The following GDF10 variants were observed in gnomAD, a reference collection of about 807,000 sequenced individuals.
The protein encoded by GDF10 is growth/differentiation factor 10.
Under a neutral mutation model 32.1 loss-of-function variants are expected in GDF10, and 23 were observed. The observed-to-expected ratio is 0.72, with a 90% confidence interval of 0.52 to 1.02. The LOEUF is 1.02. GDF10 is among the 50% of genes least tolerant of loss of function. The probability of loss-of-function intolerance (pLI) is 0.00; values close to 1 mark genes in which losing one functional copy is unlikely to be tolerated. For synonymous variants in GDF10, 328 were observed against 303.1 expected, an observed-to-expected ratio of 1.08 and a Z score of -0.85; for missense variants, 764 against 673.9, an observed-to-expected ratio of 1.13 and a Z score of -1.48.
chr10:47,304,350 A>AGGGAGAGAGAGAAGAATAGAG (rs1334515544), intron 1 of GDF10, among the ~76,000 whole-genome samples: 22 of 150,392 alleles, frequency 1.5e-4, no homozygotes, highest in African/African-American at 5.4e-4. Context: ...GGAAGGAAGG[A>AGGGAGAGAGAGAAGAATAGAG]GGGAGAGAGA....
intron 1 of GDF10, among the ~76,000 whole-genome samples, chr10:47,305,172 C>T (rs1476547472): frequency 2.6e-5 from 4 of 152,176 alleles, no homozygotes; most frequent in South Asian, 2.1e-4. Context: ...GAAGTGAGGC[C>T]TCCCACTGGG....
chr10:47,306,824 A>G (rs2061024619), intron 1 of GDF10, among the ~76,000 whole-genome samples: 1 of 151,754 alleles, frequency 6.6e-6, no homozygotes, highest in Non-Finnish European at 1.5e-5. Flanking sequence ...ATAAAGCCAC[A>G]TGTTGGAAGG....
chr10:47,307,010 C>T (rs2061025407), intron 1 of GDF10, among the ~76,000 whole-genome samples: 1 of 152,120 alleles, frequency 6.6e-6, no homozygotes, highest in Non-Finnish European at 1.5e-5. Context: ...GCACCCAGCA[C>T]ACCGGGGGCC....
At position 47,312,704 on chromosome 10, in the gene GDF10, C is replaced by A. The variant is rs1555207892; in HGVS notation, c.1349C>A (p.Ser450Tyr). ...TGCTGTGTTCCCGATAAGATGAACTCCCTTGGGGTCCTCTTCCTGGATGAG... is the reference window on the plus strand; with the variant it reads ...TGCTGTGTTCCCGATAAGATGAACTACCTTGGGGTCCTCTTCCTGGATGAG... ...EPCCVPDKMNSLGVLFLDENR... is the reference protein window; with the variant it reads ...EPCCVPDKMNYLGVLFLDENR... The change falls in exon 3 of 3, where the codon TCC becomes TAC. Residue 450 changes from serine to tyrosine, a missense_variant. Physicochemically the swap from Ser to Tyr is moderately radical, Grantham distance 144. Coordinates refer to ENST00000580279, the MANE Select transcript of GDF10 (RefSeq NM_004962.5). 1 of 1,609,446 alleles carries A rather than the reference C, an allele frequency of 6.2e-7. No individual in the cohort carries two copies. The highest frequency in any genetic ancestry group is 1.7e-5 in the Admixed American group (1 of 59,560).
Position 47,300,686 on chromosome 10 carries a change from C to T in GDF10, c.35C>T (p.Pro12Leu), listed in dbSNP as rs781795343. 20 of 1,603,282 alleles carry T rather than the reference C, an allele frequency of 1.2e-5. No individual in the cohort carries two copies. In the South Asian group the frequency reaches 1.8e-4, roughly 14 times the overall value. ...AHVPARTSPG[P>L]GPQLLLLLLP... Reference sequence around the variant, plus strand: ...GTCCCCGCTCGGACCAGCCCGGGACCCGGGCCCCAGCTGCTGCTGCTGCTG... The same window carrying T: ...GTCCCCGCTCGGACCAGCCCGGGACTCGGGCCCCAGCTGCTGCTGCTGCTG... The change falls in exon 1 of 3, where the codon CCC becomes CTC. Residue 12 changes from proline to leucine, a missense_variant. Coordinates refer to ENST00000580279, the MANE Select transcript of GDF10 (RefSeq NM_004962.5).
rs782271389 is a variant in GDF10, at chr10:47,300,663, C to G, written c.12C>G (p.Val4=). 6.3e-7 allele frequency: 1 copy of G among 1,599,272 alleles called. No individual in the cohort carries two copies. Among genetic ancestry groups the G allele is most frequent in the Non-Finnish European group, 8.5e-7 (1 of 1,175,152 alleles). The change falls in exon 1 of 3, where the codon GTC becomes GTG. Residue 4 remains valine, a synonymous_variant. Coordinates refer to ENST00000580279, the MANE Select transcript of GDF10 (RefSeq NM_004962.5). The stretch of plus-strand genomic sequence containing the variant: ...GCCCTCACCACGCCATGGCTCATGT[C>G]CCCGCTCGGACCAGCCCGGGACCCG... MAH[V]PARTSPGPGP...
intron 1 of GDF10, among the ~76,000 whole-genome samples, chr10:47,302,306 C>G: frequency 6.6e-6 from 1 of 152,328 alleles, no homozygotes; most frequent in East Asian, 1.9e-4. Context: ...TATGTGCAAG[C>G]TCAGAGCCCA....
intron 1 of GDF10, among the ~76,000 whole-genome samples, chr10:47,309,118 G>A (rs2061033424): frequency 6.6e-6 from 1 of 152,208 alleles, no homozygotes; most frequent in Non-Finnish European, 1.5e-5. Context: ...AGGTTGCCTT[G>A]TGTAATCCTG....
intron 1 of GDF10, among the ~76,000 whole-genome samples, chr10:47,301,319 T>C (rs1371737253): frequency 6.6e-6 from 1 of 152,170 alleles, no homozygotes; most frequent in African/African-American, 2.4e-5. Context: ...ATTTTACAAA[T>C]GAGAAGGGCA....
chr10:47,304,269 C>T (rs1222265245), intron 1 of GDF10, among the ~76,000 whole-genome samples: 1 of 151,964 alleles, frequency 6.6e-6, no homozygotes, highest in Non-Finnish European at 1.5e-5. Flanking sequence ...CATGGAGAGC[C>T]ATGAGTATTA....
chr10:47,310,535 G>C lies in GDF10; in HGVS notation c.1059G>C (p.Gln353His). ...KGQEVFMAAS[Q>H]VLDFDEKTMQ... ...AGGAGGTGTTCATGGCCGCCTCGCAGGTGCTGGACTTTGACGAGAAGACGA... is the reference window on the plus strand; with the variant it reads ...AGGAGGTGTTCATGGCCGCCTCGCACGTGCTGGACTTTGACGAGAAGACGA... The change falls in exon 2 of 3, where the codon CAG becomes CAC. Residue 353 changes from glutamine to histidine, a missense_variant. Transcript: ENST00000580279. 6.2e-7 allele frequency: 1 copy of C among 1,614,030 alleles called. No individual in the cohort carries two copies. The highest frequency in any genetic ancestry group is 8.5e-7 in the Non-Finnish European group (1 of 1,179,848).
chr10:47,308,629 G>GC (rs1344224640), intron 1 of GDF10, among the ~76,000 whole-genome samples: 3 of 152,068 alleles, frequency 2.0e-5, no homozygotes, highest in Non-Finnish European at 4.4e-5. Context: ...CCCCTAGAGA[G>GC]CCCAGTGTCC....
chr10:47,301,949 G>A (rs1345112613), intron 1 of GDF10, among the ~76,000 whole-genome samples: 3 of 152,196 alleles, frequency 2.0e-5, no homozygotes, highest in Non-Finnish European at 4.4e-5. Flanking sequence ...CACTGGCTGT[G>A]TGACTCAAGG....
chr10:47,303,320 C>T (rs2061010891), intron 1 of GDF10, among the ~76,000 whole-genome samples: 1 of 152,218 alleles, frequency 6.6e-6, no homozygotes, highest in Non-Finnish European at 1.5e-5. Context: ...TCCCCACAGC[C>T]TGCGATACGT....
At chr10:47,301,569 C>A (rs2061005113) in intron 1 of GDF10, among the ~76,000 whole-genome samples, 1 of 152,232 alleles carries the variant, frequency 6.6e-6, no homozygotes, top group Admixed American at 6.5e-5. Context: ...TATCTCCGGC[C>A]TCTGTCCCAC....
At chr10:47,306,500 A>G (rs79597334) in intron 1 of GDF10, among the ~76,000 whole-genome samples, 2,344 of 152,320 alleles carry the variant, frequency 0.015, 66 homozygotes, top group African/African-American at 0.053. Context: ...TGCATCTCTG[A>G]GCTCCAACTG....
Position 47,300,933 on chromosome 10 carries a change from AG to A in GDF10, c.287del (p.Gly96AlafsTer24). ...KYSRQGARPG[G>X]GNTVRSFRAR... is the part of the protein sequence containing the mutation. ...ACAGCCGGCAGGGCGCGCGGCCGGG[AG>A]GGGGCAACACGGTCCGCAGCTTCAG... is the stretch of plus-strand genomic sequence containing the variant. On this transcript the variant is annotated frameshift_variant, in exon 1 of 3. Coordinates refer to ENST00000580279, the MANE Select transcript of GDF10 (RefSeq NM_004962.5). LOFTEE classifies it high-confidence loss of function. 6.5e-7 allele frequency: 1 copy of A among 1,543,290 alleles called. No homozygotes were observed. Among genetic ancestry groups the A allele is most frequent in the Non-Finnish European group, 8.7e-7 (1 of 1,151,918 alleles).
At chr10:47,308,272 G>A (rs1037351342) in intron 1 of GDF10, among the ~76,000 whole-genome samples, 5 of 152,160 alleles carry the variant, frequency 3.3e-5, no homozygotes, top group Non-Finnish European at 1.5e-5. Flanking sequence ...ACATGCTTGG[G>A]GAAGCCAGGT....
intron 1 of GDF10, among the ~76,000 whole-genome samples, chr10:47,304,246 G>A (rs782801404): frequency 6.6e-6 from 1 of 152,108 alleles, no homozygotes; most frequent in Non-Finnish European, 1.5e-5. Context: ...GGACAAATAG[G>A]TTGCAAGCAG....
Sources: gnomAD v4.1 joint callset for allele counts (sites outside exome capture counted in the v4.1 genomes callset) on GRCh38, gnomAD v4.1.1 for gene constraint, MANE v1.5 for transcripts, NCBI Gene and HGNC (gene_info 2026-07-23, HGNC 2026-07-21) for gene names.